The following DSCAM variants were observed in gnomAD, a reference collection of about 807,000 sequenced individuals.
The protein encoded by DSCAM is cell adhesion molecule DSCAM.
In DSCAM, 47 loss-of-function variants were observed where a neutral mutation model predicts 217.7. That is an observed-to-expected ratio of 0.22 (90% confidence interval 0.17 to 0.28). The LOEUF is 0.28. Among genes scored for constraint, DSCAM ranks in the 10% least tolerant of loss-of-function variants. The probability of loss-of-function intolerance (pLI) is 1.00; values close to 1 mark genes in which losing one functional copy is unlikely to be tolerated. For missense variants in DSCAM, 2,080 were observed against 2,618.3 expected (o/e 0.79, Z 4.49); for synonymous variants, 1,056 against 1,015.3 (o/e 1.04, Z -0.76).
intron 2 of DSCAM, among the ~76,000 whole-genome samples, chr21:40,701,675 ATTTT>A (rs35209101): frequency 1.9e-4 from 28 of 146,900 alleles, no homozygotes; most frequent in African/African-American, 6.4e-4. Context: ...TTTTTTCTGA[ATTTT>A]TTTTTTTGAC....
chr21:40,703,946 T>C (rs912099035), intron 2 of DSCAM, among the ~76,000 whole-genome samples: 3 of 152,206 alleles, frequency 2.0e-5, no homozygotes, highest in African/African-American at 7.2e-5. Context: ...CAGGTTCCCA[T>C]ATTCTCCCTC....
intron 27 of DSCAM, among the ~76,000 whole-genome samples, chr21:40,072,690 A>G (rs1452400139): frequency 6.6e-6 from 1 of 152,120 alleles, no homozygotes; most frequent in East Asian, 1.9e-4. Context: ...TTTATTAGCC[A>G]TGTACAAAAT....
intron 3 of DSCAM, among the ~76,000 whole-genome samples, chr21:40,411,784 A>C (rs916199950): frequency 3.9e-5 from 6 of 152,180 alleles, no homozygotes; most frequent in African/African-American, 1.4e-4. Context: ...TAAGAGAATA[A>C]TATGGGCAAT....
At chr21:40,535,291 A>G (rs2146118972) in intron 3 of DSCAM, among the ~76,000 whole-genome samples, 1 of 152,338 alleles carries the variant, frequency 6.6e-6, no homozygotes, top group South Asian at 2.1e-4. Context: ...ACATATAATA[A>G]CTTGAGCAAA....
At chr21:40,051,884 TGA>T in intron 30 of DSCAM, 72 bp downstream of exon 30, 1 of 1,520,218 alleles carries the variant, frequency 6.6e-7, no homozygotes, top group Non-Finnish European at 8.8e-7. Context: ...CATTTTCATT[TGA>T]GAGAGAAAGA....
At chr21:40,498,686 TATATATATATAG>T (rs1300030253) in intron 3 of DSCAM, among the ~76,000 whole-genome samples, 161 of 6,990 alleles carry the variant, frequency 0.023, 5 homozygotes, top group African/African-American at 0.17. Context: ...TATATATATA[TATATATATATAG>T]ATATATATAT....
intron 1 of DSCAM, among the ~76,000 whole-genome samples, chr21:40,757,822 T>C (rs2091291029): frequency 6.6e-6 from 1 of 152,208 alleles, no homozygotes; most frequent in Non-Finnish European, 1.5e-5. Flanking sequence ...ATCCTCCCTA[T>C]GTGTGGAGTA....
intron 3 of DSCAM, among the ~76,000 whole-genome samples, chr21:40,479,016 G>T (rs1047422152): frequency 6.6e-5 from 10 of 152,154 alleles, no homozygotes; most frequent in African/African-American, 2.2e-4. Flanking sequence ...GTTGATCAAG[G>T]AAAACTCAAA....
intron 1 of DSCAM, among the ~76,000 whole-genome samples, chr21:40,805,434 A>G (rs2091777188): frequency 6.6e-6 from 1 of 152,186 alleles, no homozygotes; most frequent in African/African-American, 2.4e-5. Context: ...ACAGGAGTCC[A>G]GACAGGAGAC....
intron 1 of DSCAM, among the ~76,000 whole-genome samples, chr21:40,840,381 G>A (rs1426752774): frequency 6.6e-6 from 1 of 151,976 alleles, no homozygotes; most frequent in Non-Finnish European, 1.5e-5. Context: ...TGGGGGTGGC[G>A]GAGTGGGCGG....
chr21:40,456,581 T>G (rs1355762232), intron 3 of DSCAM, among the ~76,000 whole-genome samples: 1 of 152,198 alleles, frequency 6.6e-6, no homozygotes. Flanking sequence ...GAACTCTAGC[T>G]AACGATATGT....
At chr21:40,798,899 C>A (rs2091714977) in intron 1 of DSCAM, among the ~76,000 whole-genome samples, 1 of 151,992 alleles carries the variant, frequency 6.6e-6, no homozygotes, top group African/African-American at 2.4e-5. Flanking sequence ...AAAATTAGAA[C>A]AATTTAGATA....
At chr21:40,149,842 CACA>C (rs1251431950) in intron 16 of DSCAM, among the ~76,000 whole-genome samples, 2 of 150,608 alleles carry the variant, frequency 1.3e-5, no homozygotes, top group Non-Finnish European at 3.0e-5. Flanking sequence ...CCACTGTCAC[CACA>C]ACATCCATCA....
At chr21:40,178,847 CTTCTGCAT>C in intron 15 of DSCAM, 72 bp downstream of exon 15, 13 of 1,573,376 alleles carry the variant, frequency 8.3e-6, no homozygotes, top group Non-Finnish European at 1.1e-5. Context: ...CAAAGGTCTG[CTTCTGCAT>C]TTAAGCATCT....
chr21:40,266,635 T>TATA (rs1555896543), intron 11 of DSCAM, among the ~76,000 whole-genome samples: 3 of 62,642 alleles, frequency 4.8e-5, no homozygotes, highest in East Asian at 4.8e-4. Context: ...CAAAGATGTT[T>TATA]TATATATATA....
At chr21:40,712,456 C>T (rs980882839) in intron 1 of DSCAM, among the ~76,000 whole-genome samples, 23 of 114,750 alleles carry the variant, frequency 2.0e-4, no homozygotes, top group Non-Finnish European at 3.5e-4. Flanking sequence ...GGCGACAGAG[C>T]GAGACTCCGT....
rs557319364 is a variant in DSCAM, at chr21:40,627,437, CTG to C, written c.508+65371_508+65372del. Among the ~76,000 whole-genome samples, 188 of 152,290 alleles carry C rather than the reference CTG, an allele frequency of 1.2e-3. 1 individual carries two copies. Among genetic ancestry groups the C allele is most frequent in the Non-Finnish European group, 2.3e-3 (156 of 68,014 alleles). On this transcript the variant is annotated intron_variant, in intron 3 of 32. Coordinates refer to ENST00000400454, the MANE Select transcript of DSCAM (RefSeq NM_001389.5). ...TATGTTGTGGAAAGCCTTAACAATT[CTG>C]TGAGTCTTCTCTAAAATCACTTGGG...
At chr21:40,667,556 C>T (rs548252029) in intron 3 of DSCAM, among the ~76,000 whole-genome samples, 1 of 152,152 alleles carries the variant, frequency 6.6e-6, no homozygotes, top group African/African-American at 2.4e-5. Context: ...TGTGTCCTCA[C>T]CAACATCTCA....
At chr21:40,804,245 ACAGAGTC>A (rs1445619254) in intron 1 of DSCAM, among the ~76,000 whole-genome samples, 2 of 152,208 alleles carry the variant, frequency 1.3e-5, no homozygotes, top group African/African-American at 4.8e-5. Context: ...TCAGGGGAGC[ACAGAGTC>A]CATGCACCTT....
Sources: gnomAD v4.1 joint callset for allele counts (sites outside exome capture counted in the v4.1 genomes callset) on GRCh38, gnomAD v4.1.1 for gene constraint, MANE v1.5 for transcripts, NCBI Gene and HGNC (gene_info 2026-07-23, HGNC 2026-07-21) for gene names.